SLC4A8: variants seen among roughly 807,000 people sequenced by gnomAD.
The protein encoded by SLC4A8 is solute carrier family 4 member 8.
A neutral mutation model predicts 125.0 loss-of-function variants in SLC4A8; 40 were observed. That is an observed-to-expected ratio of 0.32 (90% CI 0.25 to 0.42). The LOEUF is 0.42. Among genes scored for constraint, SLC4A8 ranks in the 10% least tolerant of loss-of-function variants. The pLI is 1.00. For synonymous variants in SLC4A8, 456 were observed against 476.0 expected (o/e 0.96, Z 0.55); for missense variants, 863 against 1,355.1 (o/e 0.64, Z 5.70).
intron 1 of SLC4A8, 52 bp downstream of exon 1, chr12:51,425,087 C>A: frequency 6.5e-7 from 1 of 1,534,012 alleles, no homozygotes. Flanking sequence ...GCAGCCTCCT[C>A]ATCCTCTGCC....
chr12:51,493,519 A>G (rs951639542), intron 19 of SLC4A8, among the ~76,000 whole-genome samples, 185 bp from the exon 20 acceptor site: 15 of 152,252 alleles, frequency 9.9e-5, no homozygotes, highest in African/African-American at 3.4e-4. Context: ...AATGATTTTT[A>G]TCATTGTCAG....
At chr12:51,473,351 G>T (rs778626020) in intron 14 of SLC4A8, among the ~76,000 whole-genome samples, 1 of 152,034 alleles carries the variant, frequency 6.6e-6, no homozygotes, top group African/African-American at 2.4e-5. Context: ...TGCATTTAAG[G>T]TCCTCTGTTT....
At chr12:51,443,960 A>G (rs887971097) in intron 2 of SLC4A8, among the ~76,000 whole-genome samples, 16 of 152,198 alleles carry the variant, frequency 1.1e-4, no homozygotes, top group Admixed American at 1.3e-4. Context: ...GCATGTGTAT[A>G]TGTACTTATT....
chr12:51,433,214 T>G (rs1949255875), intron 1 of SLC4A8, among the ~76,000 whole-genome samples: 2 of 152,240 alleles, frequency 1.3e-5, no homozygotes, highest in South Asian at 2.1e-4. Flanking sequence ...GACAATGCTT[T>G]CTTTCTCAAG....
intron 9 of SLC4A8, chr12:51,461,926 TTCCA>T (rs1434745859): frequency 1.4e-5 from 3 of 213,698 alleles, no homozygotes; most frequent in African/African-American, 7.2e-5. Flanking sequence ...TCATTAGTAA[TTCCA>T]TCCAGTGTTT....
intron 16 of SLC4A8, among the ~76,000 whole-genome samples, chr12:51,483,139 G>C (rs571147704): frequency 1.3e-5 from 2 of 152,070 alleles, no homozygotes; most frequent in Non-Finnish European, 2.9e-5. Flanking sequence ...TGCTTCTCTC[G>C]GCCTTGGTGG....
intron 16 of SLC4A8, among the ~76,000 whole-genome samples, chr12:51,484,373 A>G (rs376464463): frequency 9.8e-5 from 15 of 152,336 alleles, no homozygotes; most frequent in African/African-American, 3.1e-4. Flanking sequence ...GGAAAAACAC[A>G]TGAAACAATC....
rs773357136 is a variant in SLC4A8, at chr12:51,439,203, C to T, written c.49-1505C>T. ...TCCTGAGTAGCTGGCACTACAGGCACGCACCACCACACCCAGATAATTTTT... is the reference window on the plus strand; with the variant it reads ...TCCTGAGTAGCTGGCACTACAGGCATGCACCACCACACCCAGATAATTTTT... On this transcript the variant is annotated intron_variant, in intron 1 of 24. Coordinates refer to ENST00000453097, the MANE Select transcript of SLC4A8 (RefSeq NM_001039960.3). 8.5e-5 allele frequency among the ~76,000 whole-genome samples: 13 copies of T among 152,162 alleles called. No individual in the cohort carries two copies. The East Asian group carries it at 1.4e-3, about 16-fold the overall frequency.
chr12:51,437,127 CTA>C (rs1280943430), intron 1 of SLC4A8, among the ~76,000 whole-genome samples: 1 of 152,126 alleles, frequency 6.6e-6, no homozygotes, highest in Non-Finnish European at 1.5e-5. Context: ...AGATATTAGA[CTA>C]TTTTATTTAC....
intron 1 of SLC4A8, among the ~76,000 whole-genome samples, chr12:51,436,051 C>T (rs1012078386): frequency 5.9e-5 from 9 of 152,044 alleles, no homozygotes; most frequent in Admixed American, 3.3e-4. Flanking sequence ...AAAATAAAAA[C>T]GCATTGTATA....
At chr12:51,410,613 AG>A (rs1212741561) in intron 1 of SLC4A8, among the ~76,000 whole-genome samples, 4 of 152,062 alleles carry the variant, frequency 2.6e-5, no homozygotes, top group Non-Finnish European at 5.9e-5. Flanking sequence ...ATGCGCCACC[AG>A]GCCCAGCTAA....
intron 22 of SLC4A8, among the ~76,000 whole-genome samples, chr12:51,499,196 A>G (rs1937728593): frequency 6.6e-6 from 1 of 152,180 alleles, no homozygotes; most frequent in African/African-American, 2.4e-5. Flanking sequence ...AATAAAAATA[A>G]GAAAGATATG....
At position 51,504,113 on chromosome 12, in the gene SLC4A8, A is replaced by G. The variant is rs1180779641; in HGVS notation, c.3166A>G (p.Ser1056Gly). 6.4e-7 allele frequency: 1 copy of G among 1,562,996 alleles called. No individual in the cohort carries two copies. Residue 1056 changes from serine (S) to glycine (G), a missense_variant, in exon 23 of 25, where the codon AGT becomes GGT. Around this residue, in one of 6 missense-constraint regions of SLC4A8, gnomAD observed 92 missense variants for 125.6 expected, o/e 0.73. Coordinates refer to ENST00000453097, the MANE Select transcript of SLC4A8 (RefSeq NM_001039960.3). Reference protein sequence around the residue: ...KLLSSPGKNISCRCDPSEINI... With the variant: ...KLLSSPGKNIGCRCDPSEINI... The stretch of plus-strand genomic sequence containing the variant: ...ACTAAGTAGTCCTGGAAAGAACATC[A>G]GTTGCAGGTAAAACTTCCAAACACC...
intron 21 of SLC4A8, among the ~76,000 whole-genome samples, chr12:51,495,750 G>A (rs1951445752): frequency 6.6e-6 from 1 of 151,952 alleles, no homozygotes. Context: ...CCAAAGTGCT[G>A]GGATTACAGA....
intron 19 of SLC4A8, among the ~76,000 whole-genome samples, chr12:51,491,318 C>T (rs1051965937): frequency 2.6e-5 from 4 of 151,804 alleles, no homozygotes; most frequent in Admixed American, 6.6e-5. Context: ...GGAAAAGAGA[C>T]GACGTAAAAG....
At chr12:51,457,319 T>C (rs1950181073) in intron 5 of SLC4A8, 32 bp from the exon 6 acceptor site, 1 of 1,595,356 alleles carries the variant, frequency 6.3e-7, no homozygotes, top group African/African-American at 1.3e-5. Context: ...TAACCCTCAA[T>C]CTGAGTGTTC....
rs1054948046 is a variant in SLC4A8 at position 51,515,002 on chromosome 12, C to A, written c.*7564C>A. 7 of 152,198 alleles carry A rather than the reference C, an allele frequency of 4.6e-5. No individual in the cohort carries two copies. The highest frequency in any genetic ancestry group is 1.7e-4 in the African/African-American group (7 of 41,454). The allele number at this position is 152,198 out of a possible 1,614,324, so 9.4% of individuals were successfully genotyped here. A position where few individuals can be genotyped will look rare whatever the true frequency, so the allele number is the denominator to read the frequency against. On this transcript the variant is annotated 3_prime_UTR_variant, in exon 25 of 25. Coordinates refer to ENST00000453097, the MANE Select transcript of SLC4A8 (RefSeq NM_001039960.3). ...GAAAAGGAATAGCATTTTTCTTAAA[C>A]CTAACCCAGTTTCAGCATTGGAGAA...
intron 1 of SLC4A8, among the ~76,000 whole-genome samples, chr12:51,425,684 T>A (rs1395870456): frequency 6.6e-6 from 1 of 152,164 alleles, no homozygotes; most frequent in East Asian, 1.9e-4. Context: ...TTGGAACTGT[T>A]GGGGCGGCTA....
chr12:51,450,830 T>A (rs992649587), intron 2 of SLC4A8, 46 bp from the exon 3 acceptor site: 6 of 1,606,318 alleles, frequency 3.7e-6, no homozygotes, highest in Non-Finnish European at 5.1e-6. Context: ...TTGTTGTTTT[T>A]TAAAACTAAA....
Sources: allele counts gnomAD v4.1 joint callset (sites outside exome capture counted in the v4.1 genomes callset), GRCh38; gene constraint gnomAD v4.1.1; regional missense constraint gnomAD v4.1.1; transcripts MANE v1.5; gene names NCBI Gene and HGNC (gene_info 2026-07-23, HGNC 2026-07-21).